The following DNAJC11 variants were observed in gnomAD, a reference collection of about 807,000 sequenced individuals.
DNAJC11 encodes the protein dnaJ homolog subfamily C member 11.
A neutral mutation model predicts 78.6 loss-of-function variants in DNAJC11; 15 were observed. That is an observed-to-expected ratio of 0.19 (90% CI 0.13 to 0.29). DNAJC11 has a LOEUF of 0.29. Among genes scored for constraint, DNAJC11 ranks in the 10% least tolerant of loss-of-function variants. The probability of loss-of-function intolerance (pLI) is 1.00; values close to 1 mark genes in which losing one functional copy is unlikely to be tolerated. For synonymous variants in DNAJC11, 292 were observed against 272.1 expected (o/e 1.07, Z -0.72); for missense variants, 547 against 709.6 (o/e 0.77, Z 2.60).
Position 6,651,566 on chromosome 1 carries a change from A to G in DNAJC11, c.667T>C (p.Phe223Leu). ...AGATTACGGAACAGCTTGAGACCGA[A>G]CAAAGGCCCCTGTAGGTCTCCAGCT... ...FGAGDLQGPL[F>L]GLKLFRNLTP... The change falls in exon 7 of 16, where the codon TTC becomes CTC. Residue 223 changes from phenylalanine (F) to leucine (L), a missense_variant. Physicochemically the swap from Phe to Leu is conservative, Grantham distance 22 (BLOSUM62 0). Transcript: ENST00000377577. 1.2e-6 allele frequency: 2 copies of G among 1,614,174 alleles called. No individual in the cohort carries two copies. The highest frequency in any genetic ancestry group is 1.7e-6 in the Non-Finnish European group (2 of 1,180,014).
Position 6,653,820 on chromosome 1 carries a change from C to A in DNAJC11, c.507+91G>T. 1.3e-6 allele frequency: 2 copies of A among 1,500,744 alleles called. No individual in the cohort carries two copies. Among genetic ancestry groups the A allele is most frequent in the Non-Finnish European group, 1.8e-6 (2 of 1,099,702 alleles). The allele number at this position is 1,500,744 out of a possible 1,614,324, so 93.0% of individuals were successfully genotyped here. On this transcript the variant is annotated intron_variant, in intron 5 of 15. Transcript: ENST00000377577. This position sits in a 1 kb window ranked among gnomAD's most constrained non-coding sequence, Gnocchi z 4.5. Reference sequence around the variant, plus strand: ...TTTCATAAATAAAGATGAGAAAAACCCTGGGCAGACTCTCATTCCAGCTGC... The same window carrying A: ...TTTCATAAATAAAGATGAGAAAAACACTGGGCAGACTCTCATTCCAGCTGC...
chr1:6,634,854 C>A lies in DNAJC11; in HGVS notation c.*821G>T, dbSNP rs1184777880. On this transcript the variant is annotated 3_prime_UTR_variant, in exon 16 of 16. Transcript: ENST00000377577. ...TGGGTGTGTCTGATGTCTTGCCAAGCGCCTGGTCCTGTCCTCTTGAGCTGC... is the reference window on the plus strand; with the variant it reads ...TGGGTGTGTCTGATGTCTTGCCAAGAGCCTGGTCCTGTCCTCTTGAGCTGC... 64 of 1,230,418 alleles carry A rather than the reference C, an allele frequency of 5.2e-5. No homozygotes were observed. The highest frequency in any genetic ancestry group is 5.0e-5 in the Non-Finnish European group (48 of 951,736). 76.2% of individuals were successfully genotyped at this position (1,230,418 alleles called of 1,614,324 possible).
Position 6,681,036 on chromosome 1 carries a change from G to C in DNAJC11, c.74C>G (p.Ala25Gly). The C allele has an allele frequency of 6.3e-7, 1 of 1,594,262 alleles. No individual in the cohort carries two copies. Among genetic ancestry groups the C allele is most frequent in the Non-Finnish European group, 8.5e-7 (1 of 1,170,690 alleles). The change falls in exon 2 of 16, where the codon GCC (alanine) becomes GGC (glycine). Residue 25 changes from alanine (A) to glycine (G), a missense_variant and splice_region_variant. Transcript: ENST00000377577. Reference protein sequence around the residue: ...YYSLLNVRREASSEELKAAYR... With the variant: ...YYSLLNVRREGSSEELKAAYR... Reference sequence around the variant, plus strand: ...GGCAGCTTTCAGCTCTTCAGAAGAGGCCTAAAGAAAGAAAAATTCAATTAG... The same window carrying C: ...GGCAGCTTTCAGCTCTTCAGAAGAGCCCTAAAGAAAGAAAAATTCAATTAG...
intron 10 of DNAJC11, among the ~76,000 whole-genome samples, chr1:6,643,142 C>T (rs1641905026): frequency 6.6e-6 from 1 of 152,094 alleles, no homozygotes; most frequent in African/African-American, 2.4e-5. Context: ...GAATCACCCT[C>T]TGATCTGCCA....
chr1:6,695,220 C>G (rs1431572756), intron 1 of DNAJC11, among the ~76,000 whole-genome samples: 1 of 151,426 alleles, frequency 6.6e-6, no homozygotes, highest in Non-Finnish European at 1.5e-5. Flanking sequence ...AGGCTGGTCT[C>G]AAACTCCTGG....
rs774263533 is a variant in DNAJC11, at chr1:6,634,506, G to A, written c.*1169C>T. 3.0e-6 allele frequency: 4 copies of A among 1,349,992 alleles called. No individual in the cohort carries two copies. Among genetic ancestry groups the A allele is most frequent in the Admixed American group, 4.0e-5 (2 of 50,320 alleles). 83.6% of individuals were successfully genotyped at this position (1,349,992 alleles called of 1,614,324 possible). On this transcript the variant is annotated 3_prime_UTR_variant, in exon 16 of 16. Coordinates refer to ENST00000377577, the MANE Select transcript of DNAJC11 (RefSeq NM_018198.4). The stretch of plus-strand genomic sequence containing the variant: ...TGGGCTGGAGGCCGGCGCAGCTTGG[G>A]GCCCCCCGCGCCAGCTGTCTCAGCC...
chr1:6,654,957 C>A (rs1175507958), intron 4 of DNAJC11, among the ~76,000 whole-genome samples: 1 of 152,068 alleles, frequency 6.6e-6, no homozygotes, highest in African/African-American at 2.4e-5. Context: ...CGCCACCATG[C>A]CCAGTTAATT....
chr1:6,644,040 T>C (rs1364548041), intron 10 of DNAJC11, among the ~76,000 whole-genome samples: 1 of 151,876 alleles, frequency 6.6e-6, no homozygotes, highest in Non-Finnish European at 1.5e-5. Flanking sequence ...CTGGCTAATT[T>C]TTTGTATTTT....
At chr1:6,648,963 A>T (rs1201532663) in intron 7 of DNAJC11, among the ~76,000 whole-genome samples, 1 of 151,962 alleles carries the variant, frequency 6.6e-6, no homozygotes, top group Admixed American at 6.6e-5. Context: ...GTGATGCCCC[A>T]TGGCAGCATG....
chr1:6,681,151 G>T, intron 1 of DNAJC11, 114 bp from the exon 2 acceptor site: 1 of 1,111,050 alleles, frequency 9.0e-7, no homozygotes. Flanking sequence ...GTTTGCTCTC[G>T]ACATACAGGA....
At chr1:6,640,844 G>A (rs190523654) in intron 10 of DNAJC11, among the ~76,000 whole-genome samples, 32 of 152,200 alleles carry the variant, frequency 2.1e-4, no homozygotes, top group East Asian at 7.7e-4. Flanking sequence ...TCAGAAACCC[G>A]TGGAAGAGTG....
rs1642532925 is a variant in DNAJC11 at position 6,680,352 on chromosome 1, A to G, written c.202+556T>C. Among the ~76,000 whole-genome samples the G allele has an allele frequency of 6.6e-6, 1 of 152,206 alleles. No individual in the cohort carries two copies. Among genetic ancestry groups the G allele is most frequent in the Non-Finnish European group, 1.5e-5 (1 of 68,022 alleles). On this transcript the variant is annotated intron_variant, in intron 2 of 15. Transcript: ENST00000377577. This position sits in a 1 kb window ranked among gnomAD's most constrained non-coding sequence, Gnocchi z 4.0. ...TTGCCATCCCAGACAGAAGCTCTGT[A>G]TCTGGTAGTGACTTTAATATTTTAT...
At chr1:6,643,878 ATTT>A (rs1213344256) in intron 10 of DNAJC11, among the ~76,000 whole-genome samples, 1 of 149,176 alleles carries the variant, frequency 6.7e-6, no homozygotes. Context: ...AAGCAACTGT[ATTT>A]TTTTTTTGAG....
Position 6,653,809 on chromosome 1 carries a change from A to T in DNAJC11, c.507+102T>A, listed in dbSNP as rs1203116668. ...TAATTGCATCCTTTCATAAATAAAG[A>T]TGAGAAAAACCCTGGGCAGACTCTC... On this transcript the variant is annotated intron_variant, in intron 5 of 15. Coordinates refer to ENST00000377577, the MANE Select transcript of DNAJC11 (RefSeq NM_018198.4). The surrounding 1 kb of genome is among the most constrained non-coding windows in gnomAD (Gnocchi z 4.5). 7.0e-7 allele frequency: 1 copy of T among 1,435,424 alleles called. No individual in the cohort carries two copies. The highest frequency in any genetic ancestry group is 1.4e-5 in the African/African-American group (1 of 69,682). The allele number at this position is 1,435,424 out of a possible 1,614,324, so 88.9% of individuals were successfully genotyped here.
chr1:6,660,371 G>T (rs1642190089), intron 4 of DNAJC11, among the ~76,000 whole-genome samples: 1 of 151,976 alleles, frequency 6.6e-6, no homozygotes, highest in East Asian at 1.9e-4. Context: ...TGGCCAGGCT[G>T]GTCTTGAACT....
intron 6 of DNAJC11, 73 bp downstream of exon 6, chr1:6,652,756 A>G (rs1642074743): frequency 3.2e-5 from 51 of 1,592,488 alleles, no homozygotes; most frequent in Non-Finnish European, 4.4e-5. Context: ...TTTGAGGGTG[A>G]GCTTTGAGAG....
chr1:6,694,085 C>T (rs1642795273), intron 1 of DNAJC11, among the ~76,000 whole-genome samples: 1 of 152,124 alleles, frequency 6.6e-6, no homozygotes. Flanking sequence ...ATCCGCTGGC[C>T]TCAGCCTCCC....
intron 7 of DNAJC11, 128 bp downstream of exon 7, chr1:6,651,401 T>C: frequency 1.2e-6 from 1 of 804,264 alleles, no homozygotes. Context: ...ATACCTGCCC[T>C]TGATGTACGC....
Position 6,635,703 on chromosome 1 carries a change from G to A in DNAJC11, c.1655-3C>T. The A allele has an allele frequency of 6.2e-7, 1 of 1,614,154 alleles. No homozygotes were observed. The highest frequency in any genetic ancestry group is 8.5e-7 in the Non-Finnish European group (1 of 1,180,006). On this transcript the variant is annotated splice_region_variant and splice_polypyrimidine_tract_variant and intron_variant, in intron 15 of 15. Transcript: ENST00000377577. Reference sequence around the variant, plus strand: ...TCCATCTGTATCGATCCTGTGGGCTGTAAAGGAAAAGACAGACGCAGGTGA... The same window carrying A: ...TCCATCTGTATCGATCCTGTGGGCTATAAAGGAAAAGACAGACGCAGGTGA...
Sources: gnomAD v4.1 joint callset for allele counts (sites outside exome capture counted in the v4.1 genomes callset) on GRCh38, gnomAD v4.1.1 for gene constraint, Gnocchi (gnomAD v3.1) non-coding constraint, MANE v1.5 for transcripts, NCBI Gene and HGNC (gene_info 2026-07-23, HGNC 2026-07-21) for gene names.